Variants in GPC6 observed in about 807,000 individuals in gnomAD.
The protein encoded by GPC6 is glypican-6.
Under a neutral mutation model 55.2 loss-of-function variants are expected in GPC6, and 14 were observed. The observed-to-expected ratio is 0.25, with a 90% CI of 0.17 to 0.40. The LOEUF is 0.40. Among genes scored for constraint, GPC6 ranks in the 10% least tolerant of loss-of-function variants. The pLI is 1.00. For missense variants in GPC6, 641 were observed against 708.5 expected, an observed-to-expected ratio of 0.90 and a Z score of 1.08; for synonymous variants, 278 against 259.6, an observed-to-expected ratio of 1.07 and a Z score of -0.68.
intron 1 of GPC6, among the ~76,000 whole-genome samples, chr13:93,533,533 G>C (rs1386545469): frequency 1.3e-5 from 2 of 152,144 alleles, no homozygotes; most frequent in African/African-American, 2.4e-5. Flanking sequence ...CTCTGACATA[G>C]ACTGTATACT....
At chr13:94,285,912 G>A (rs1181378846) in intron 4 of GPC6, among the ~76,000 whole-genome samples, 1 of 152,172 alleles carries the variant, frequency 6.6e-6, no homozygotes, top group Non-Finnish European at 1.5e-5. Context: ...GCTTCACACA[G>A]GTAGATATGC....
intron 3 of GPC6, among the ~76,000 whole-genome samples, chr13:93,844,327 C>T (rs952449236): frequency 4.6e-5 from 7 of 151,962 alleles, no homozygotes; most frequent in African/African-American, 7.3e-5. Context: ...TTAGTAGAGA[C>T]GGGGTTTCAC....
intron 6 of GPC6, among the ~76,000 whole-genome samples, chr13:94,332,013 A>G (rs750166450): frequency 6.6e-6 from 1 of 152,216 alleles, no homozygotes; most frequent in Non-Finnish European, 1.5e-5. Flanking sequence ...AGTCTCAGTC[A>G]TTGCAAACTA....
At chr13:93,444,319 A>G (rs1290966544) in intron 1 of GPC6, among the ~76,000 whole-genome samples, 1 of 151,606 alleles carries the variant, frequency 6.6e-6, no homozygotes, top group African/African-American at 2.4e-5. Context: ...TTAACTCATC[A>G]TCACGCTACC....
At chr13:93,327,273 T>A (rs557316531) in intron 1 of GPC6, among the ~76,000 whole-genome samples, 1 of 152,204 alleles carries the variant, frequency 6.6e-6, no homozygotes, top group Non-Finnish European at 1.5e-5. Context: ...ATTAGGGAAT[T>A]GGAGCAAATA....
At chr13:94,126,005 G>A (rs1271451465) in intron 4 of GPC6, among the ~76,000 whole-genome samples, 1 of 151,984 alleles carries the variant, frequency 6.6e-6, no homozygotes, top group Non-Finnish European at 1.5e-5. Flanking sequence ...TTATGTGTAT[G>A]GAAAATTTTA....
chr13:93,886,227 A>C (rs766750836), intron 3 of GPC6, among the ~76,000 whole-genome samples: 5 of 152,040 alleles, frequency 3.3e-5, no homozygotes, highest in Non-Finnish European at 7.4e-5. Context: ...TTGGACTTTA[A>C]AATGTGTGGT....
chr13:93,842,991 A>G (rs765658937), intron 3 of GPC6, among the ~76,000 whole-genome samples: 25 of 151,836 alleles, frequency 1.6e-4, no homozygotes, highest in Non-Finnish European at 3.2e-4. Flanking sequence ...ATATGATTTT[A>G]TATTGCAAAA....
intron 2 of GPC6, among the ~76,000 whole-genome samples, chr13:93,681,837 A>T (rs1198202968): frequency 6.6e-6 from 1 of 152,150 alleles, no homozygotes; most frequent in Non-Finnish European, 1.5e-5. Context: ...TGCTAACTAG[A>T]TTATTTTATT....
intron 1 of GPC6, among the ~76,000 whole-genome samples, chr13:93,229,896 GT>G (rs921187686): frequency 5.3e-5 from 8 of 151,904 alleles, no homozygotes; most frequent in African/African-American, 1.9e-4. Context: ...GGATATACTT[GT>G]TTTTTCAAAA....
At chr13:94,167,272 G>A (rs1017916868) in intron 4 of GPC6, among the ~76,000 whole-genome samples, 1 of 152,196 alleles carries the variant, frequency 6.6e-6, no homozygotes, top group Non-Finnish European at 1.5e-5. Context: ...CTGTTCTTGT[G>A]TAGTCATAAC....
rs116211278 is a variant in GPC6 at position 93,560,146 on chromosome 13, C to T, written c.319+14725C>T. 9.1e-3 allele frequency among the ~76,000 whole-genome samples: 1,377 copies of T among 152,094 alleles called. 29 individuals carry two copies. Among genetic ancestry groups the T allele is most frequent in the African/African-American group, 0.031 (1,292 of 41,506 alleles). Reference sequence around the variant, plus strand: ...TCCGGTTCTTTTCTCTTCCTTTCCTCATCTGAATGAAACATATTTTAAGGG... The same window carrying T: ...TCCGGTTCTTTTCTCTTCCTTTCCTTATCTGAATGAAACATATTTTAAGGG... On this transcript the variant is annotated intron_variant, in intron 2 of 8. Transcript: ENST00000377047.
intron 1 of GPC6, among the ~76,000 whole-genome samples, chr13:93,229,223 A>G (rs1274859252): frequency 6.6e-6 from 1 of 151,072 alleles, no homozygotes; most frequent in East Asian, 1.9e-4. Flanking sequence ...TTTTTAATTA[A>G]TTGATAAGGA....
At chr13:93,445,988 AG>A (rs1159072158) in intron 1 of GPC6, among the ~76,000 whole-genome samples, 1 of 152,314 alleles carries the variant, frequency 6.6e-6, no homozygotes, top group Admixed American at 6.5e-5. Flanking sequence ...ACGGATAAAA[AG>A]GTTGTCTATC....
intron 6 of GPC6, among the ~76,000 whole-genome samples, chr13:94,355,271 C>T (rs767916180): frequency 7.3e-5 from 11 of 151,500 alleles, no homozygotes; most frequent in East Asian, 4.0e-4. Context: ...GATCCTCCCG[C>T]GTCGGCCTCC....
chr13:94,267,710 A>G (rs1005716949), intron 4 of GPC6, among the ~76,000 whole-genome samples: 3 of 152,180 alleles, frequency 2.0e-5, no homozygotes, highest in African/African-American at 7.2e-5. Flanking sequence ...GCACCACTCT[A>G]AAGGTGACTG....
chr13:94,256,360 T>C (rs1200896570), intron 4 of GPC6, among the ~76,000 whole-genome samples: 4 of 152,078 alleles, frequency 2.6e-5, no homozygotes, highest in Non-Finnish European at 5.9e-5. Flanking sequence ...GAAAGACAAC[T>C]AAAGAGTGTT....
At chr13:93,224,287 C>T (rs1487346229), upstream of GPC6, among the ~76,000 whole-genome samples, 1 of 151,168 alleles carries the variant, frequency 6.6e-6, no homozygotes, top group Non-Finnish European at 1.5e-5. Flanking sequence ...CTCTGCCTCC[C>T]AGGTTCAAGT....
In GPC6 at chr13:94,306,107, C is replaced by T. The variant is rs778146293; in HGVS notation, c.1136C>T (p.Thr379Ile). The change falls in exon 6 of 9, where the codon ACA becomes ATA. Residue 379 changes from threonine to isoleucine, a missense_variant. Transcript: ENST00000377047. ...GAAAGACCAACAACTGCTGCAGGCA[C>T]AAGCTTGGACCGGCTGGTGAGTATT... ...PEERPTTAAGTSLDRLVTDIK... is the reference protein window; with the variant it reads ...PEERPTTAAGISLDRLVTDIK... The T allele has an allele frequency of 1.2e-6, 2 of 1,614,070 alleles. No individual in the cohort carries two copies.
Sources: gnomAD v4.1 joint callset for allele counts (sites outside exome capture counted in the v4.1 genomes callset) on GRCh38, gnomAD v4.1.1 for gene constraint, MANE v1.5 for transcripts, NCBI Gene and HGNC (gene_info 2026-07-23, HGNC 2026-07-21) for gene names.